The following UGT1A10 variants were observed in gnomAD, a reference collection of about 807,000 sequenced individuals.
UGT1A10 encodes the protein UDP glucuronosyltransferase family 1 member A10.
In UGT1A10, 49 loss-of-function variants were observed where a neutral mutation model predicts 45.8. The ratio of observed to expected loss-of-function variants is 1.07; its 90% CI spans 0.85 to 1.36. The LOEUF is 1.36. UGT1A10 is among the 40% of genes most tolerant of loss of function. The pLI, the probability that UGT1A10 is intolerant of heterozygous loss-of-function variation, is 0.00. For synonymous variants in UGT1A10, 284 were observed against 249.7 expected, an observed-to-expected ratio of 1.14 and a Z score of -1.29; for missense variants, 745 against 668.6, an observed-to-expected ratio of 1.11 and a Z score of -1.26.
chr2:233,725,179 GAGAGGCAGAGGC>G lies in UGT1A10; in HGVS notation c.856-41825_856-41814del, dbSNP rs879478240. ...CTCTGCATGAGAGGGAGACCGTGGG[GAGAGGCAGAGGC>G]AGAGGCAGAGGCAGAGGCAGAGGCA... On this transcript the variant is annotated intron_variant, in intron 1 of 4. Coordinates refer to ENST00000344644, the MANE Select transcript of UGT1A10 (RefSeq NM_019075.4). Among the ~76,000 whole-genome samples the G allele has an allele frequency of 6.0e-3, 403 of 67,616 alleles. 106 individuals carry two copies. Among genetic ancestry groups the G allele is most frequent in the Middle Eastern group, 0.049 (7 of 142 alleles). 44.4% of individuals were successfully genotyped at this position (67,616 alleles called of 152,430 possible). A position where few individuals can be genotyped will look rare whatever the true frequency, so the allele number is the denominator to read the frequency against.
intron 1 of UGT1A10, among the ~76,000 whole-genome samples, chr2:233,734,727 CG>C (rs2078556253): frequency 6.6e-6 from 1 of 150,514 alleles, no homozygotes; most frequent in East Asian, 2.0e-4. Context: ...TTGTTCTCGT[CG>C]GTTTCAAAGA....
Position 233,672,273 on chromosome 2 carries a change from C to T in UGT1A10, c.855+34896C>T, listed in dbSNP as rs760653064. On this transcript the variant is annotated intron_variant, in intron 1 of 4. Coordinates refer to ENST00000344644, the MANE Select transcript of UGT1A10 (RefSeq NM_019075.4). Reference sequence around the variant, plus strand: ...TATATTCTCTATTAATGGGTTCATACAATGACATTTTTGACTTATTTTTTT... The same window carrying T: ...TATATTCTCTATTAATGGGTTCATATAATGACATTTTTGACTTATTTTTTT... The T allele has an allele frequency of 5.5e-5, 88 of 1,613,734 alleles. 1 individual carries two copies. Among genetic ancestry groups the T allele is most frequent in the Non-Finnish European group, 6.3e-5 (74 of 1,179,806 alleles).
chr2:233,705,569 G>T (rs1056646360), intron 1 of UGT1A10, among the ~76,000 whole-genome samples: 5 of 152,160 alleles, frequency 3.3e-5, no homozygotes, highest in African/African-American at 1.2e-4. Flanking sequence ...TGTGGCAAGG[G>T]ATAGAAATGG....
chr2:233,719,117 G>A (rs761490999), intron 1 of UGT1A10: 5 of 1,614,258 alleles, frequency 3.1e-6, no homozygotes, highest in Admixed American at 3.3e-5. Context: ...ACACTCAAGG[G>A]TTCTTTGAAA....
Position 233,636,897 on chromosome 2 carries a change from G to GAGTTTGTT in UGT1A10, c.376_383dup (p.Phe128LeufsTer9). Reference sequence around the variant, plus strand: ...TTGACTTATTTTTTTCGCATTGCAGGAGTTTGTTTAATGACCGAAAATTAG... The same window carrying GAGTTTGTT: ...TTGACTTATTTTTTTCGCATTGCAGGAGTTTGTTAGTTTGTTTAATGACCGAAAATTAG... On this transcript the variant is annotated frameshift_variant, in exon 1 of 5. Transcript: ENST00000344644. LOFTEE classifies it high-confidence loss of function. 1.2e-6 allele frequency: 2 copies of GAGTTTGTT among 1,614,090 alleles called. No individual in the cohort carries two copies. Among genetic ancestry groups the GAGTTTGTT allele is most frequent in the Non-Finnish European group, 1.7e-6 (2 of 1,180,006 alleles).
chr2:233,657,787 C>T (rs2073888206), intron 1 of UGT1A10, among the ~76,000 whole-genome samples: 1 of 151,992 alleles, frequency 6.6e-6, no homozygotes, highest in South Asian at 2.1e-4. Context: ...GACTGTTTGC[C>T]ATCTGTATAT....
chr2:233,680,683 G>A (rs2074494479), intron 1 of UGT1A10, among the ~76,000 whole-genome samples: 1 of 151,932 alleles, frequency 6.6e-6, no homozygotes, highest in Admixed American at 6.5e-5. Context: ...TGTGGAAGGA[G>A]GATGAAAACA....
chr2:233,718,088 T>C (rs993085528), intron 1 of UGT1A10: 4 of 337,804 alleles, frequency 1.2e-5, no homozygotes, highest in African/African-American at 2.1e-5. Flanking sequence ...GTCTTGCCCA[T>C]GTGTGCTTTA....
chr2:233,682,065 C>T (rs1307914896), intron 1 of UGT1A10: 1 of 1,613,818 alleles, frequency 6.2e-7, no homozygotes, highest in Non-Finnish European at 8.5e-7. Flanking sequence ...ACCATGCAGT[C>T]GGTGGTGGAG....
At chr2:233,676,853 C>T (rs1183516541) in intron 1 of UGT1A10, among the ~76,000 whole-genome samples, 4 of 152,124 alleles carry the variant, frequency 2.6e-5, no homozygotes, top group Admixed American at 1.3e-4. Flanking sequence ...CACTGCATTG[C>T]CTTTGTACCT....
chr2:233,713,651 G>A (rs1051554487), intron 1 of UGT1A10: 2 of 1,613,832 alleles, frequency 1.2e-6, no homozygotes, highest in African/African-American at 1.3e-5. Flanking sequence ...CTCTGGCCCT[G>A]TCCTACCTTT....
chr2:233,715,654 C>G, intron 1 of UGT1A10, among the ~76,000 whole-genome samples: 1 of 152,044 alleles, frequency 6.6e-6, no homozygotes, highest in East Asian at 1.9e-4. Context: ...CACCTGTGGT[C>G]CCAGCTACTC....
intron 1 of UGT1A10, chr2:233,748,001 G>A: frequency 6.2e-7 from 1 of 1,613,512 alleles, no homozygotes; most frequent in Non-Finnish European, 8.5e-7. Context: ...ACTTTGTGAT[G>A]GATTACCCCA....
intron 1 of UGT1A10, chr2:233,747,267 CCTT>C: frequency 6.3e-7 from 1 of 1,599,532 alleles, no homozygotes; most frequent in Non-Finnish European, 8.5e-7. Context: ...GAGTGCTACT[CCTT>C]CTCAGTGCCC....
intron 1 of UGT1A10, among the ~76,000 whole-genome samples, chr2:233,699,243 G>T (rs1160022756): frequency 1.3e-5 from 2 of 151,972 alleles, no homozygotes; most frequent in East Asian, 3.9e-4. Context: ...TTGTTTTTAG[G>T]CCCCTTTCCT....
At chr2:233,712,193 C>T (rs144263331) in intron 1 of UGT1A10, among the ~76,000 whole-genome samples, 3 of 152,338 alleles carry the variant, frequency 2.0e-5, no homozygotes, top group Admixed American at 6.5e-5. Context: ...CCAGCTCCCC[C>T]GGTCCCTTGG....
chr2:233,729,207 G>A (rs6706232), intron 1 of UGT1A10: 749,602 of 1,613,822 alleles, frequency 0.46, 180,459 homozygotes, highest in African/African-American at 0.76. Flanking sequence ...CCTGGGCTGA[G>A]AGTGGAAAGG....
At chr2:233,759,710 G>A (rs746376626) in intron 1 of UGT1A10, among the ~76,000 whole-genome samples, 35 of 151,652 alleles carry the variant, frequency 2.3e-4, no homozygotes, top group East Asian at 9.7e-4. Flanking sequence ...GCGCGTGCTC[G>A]TGTGGTGGGC....
intron 1 of UGT1A10, among the ~76,000 whole-genome samples, chr2:233,739,543 T>G (rs555327898): frequency 6.6e-6 from 1 of 152,334 alleles, no homozygotes; most frequent in South Asian, 2.1e-4. Context: ...TTTTGGAGCT[T>G]TAAGATTTAA....
Sources: allele counts gnomAD v4.1 joint callset (sites outside exome capture counted in the v4.1 genomes callset), GRCh38; gene constraint gnomAD v4.1.1; transcripts MANE v1.5; gene names NCBI Gene and HGNC (gene_info 2026-07-23, HGNC 2026-07-21).